RIPK1: variants seen among roughly 807,000 people sequenced by gnomAD.
RIPK1 encodes receptor-interacting serine/threonine-protein kinase 1.
A neutral mutation model predicts 62.4 loss-of-function variants in RIPK1; 27 were observed. The observed-to-expected ratio is 0.43, with a 90% CI of 0.32 to 0.60. RIPK1 has a LOEUF of 0.60. RIPK1 is among the 20% of genes least tolerant of loss of function. The probability of loss-of-function intolerance (pLI) is 0.07; values close to 1 mark genes in which losing one functional copy is unlikely to be tolerated. For missense variants in RIPK1, 735 were observed against 831.0 expected (o/e 0.88, Z 1.42); for synonymous variants, 287 against 303.2 (o/e 0.95, Z 0.55).
intron 8 of RIPK1, among the ~76,000 whole-genome samples, chr6:3,104,775 T>C (rs59804086): frequency 0.15 from 23,078 of 152,094 alleles, 4,604 homozygotes; most frequent in African/African-American, 0.46. Context: ...TAAACTTCAC[T>C]CATCAAATCA....
chr6:3,071,726 C>G (rs910104306), intron 1 of RIPK1, among the ~76,000 whole-genome samples: 8 of 152,178 alleles, frequency 5.3e-5, no homozygotes, highest in Admixed American at 4.6e-4. Context: ...TAGCAAACCG[C>G]AAGACTGTAA....
At chr6:3,069,861 AT>A (rs1359857690) in intron 1 of RIPK1, among the ~76,000 whole-genome samples, 1 of 152,206 alleles carries the variant, frequency 6.6e-6, no homozygotes, top group Admixed American at 6.5e-5. Flanking sequence ...AAATACAAAA[AT>A]TAGCCAGGTG....
At chr6:3,080,140 G>A (rs984944343) in intron 3 of RIPK1, among the ~76,000 whole-genome samples, 19 of 152,186 alleles carry the variant, frequency 1.2e-4, no homozygotes, top group African/African-American at 3.4e-4. Context: ...GCTCTGCTAC[G>A]TTATGTCATA....
At chr6:3,112,446 C>A (rs1166384079) in intron 10 of RIPK1, among the ~76,000 whole-genome samples, 1 of 152,228 alleles carries the variant, frequency 6.6e-6, no homozygotes, top group Non-Finnish European at 1.5e-5. Context: ...GAACACCCAA[C>A]CTCGTAGCCA....
intron 7 of RIPK1, among the ~76,000 whole-genome samples, chr6:3,095,758 C>T (rs1031044482): frequency 3.3e-5 from 5 of 151,602 alleles, no homozygotes; most frequent in South Asian, 2.1e-4. Context: ...AAAATGCTAG[C>T]AAGTCAGAAA....
intron 5 of RIPK1, 111 bp downstream of exon 5, chr6:3,083,424 A>T: frequency 1.2e-6 from 1 of 802,958 alleles, no homozygotes; most frequent in South Asian, 1.7e-5. Context: ...AATCCCATTT[A>T]GGAATCAGTG....
intron 1 of RIPK1, among the ~76,000 whole-genome samples, chr6:3,071,129 T>A (rs1758689057): frequency 6.6e-6 from 1 of 152,242 alleles, no homozygotes; most frequent in Non-Finnish European, 1.5e-5. Context: ...CAGGCTGCTG[T>A]AATCAAGGAA....
chr6:3,076,792 T>A lies in RIPK1; in HGVS notation c.-32T>A. On this transcript the variant is annotated 5_prime_UTR_variant, in exon 2 of 11. Coordinates refer to ENST00000259808, the MANE Select transcript of RIPK1 (RefSeq NM_001354930.2). ...ACAGCTCTGCCGGGGGGGGAAAAAGTGGTACCATTTTGGGCGTTCTTGAGC... is the reference window on the plus strand; with the variant it reads ...ACAGCTCTGCCGGGGGGGGAAAAAGAGGTACCATTTTGGGCGTTCTTGAGC... 1 of 1,606,498 alleles carries A rather than the reference T, an allele frequency of 6.2e-7. No individual in the cohort carries two copies. The highest frequency in any genetic ancestry group is 2.3e-5 in the East Asian group (1 of 44,332).
Position 3,072,302 on chromosome 6 carries a change from AAATC to A in RIPK1, c.-61+3644_-61+3647del, listed in dbSNP as rs1223191439. On this transcript the variant is annotated intron_variant, in intron 1 of 10. Coordinates refer to ENST00000259808, the MANE Select transcript of RIPK1 (RefSeq NM_001354930.2). This position sits in a 1 kb window ranked among gnomAD's most constrained non-coding sequence, Gnocchi z 5.6. Reference sequence around the variant, plus strand: ...AGTAAAAGTGTAAAGAAGAAAGTAAAAATCAACCTATCATCAAGATACAATCCTT... The same window carrying A: ...AGTAAAAGTGTAAAGAAGAAAGTAAAAACCTATCATCAAGATACAATCCTT... Among the ~76,000 whole-genome samples the A allele has an allele frequency of 2.6e-5, 4 of 152,202 alleles. No individual in the cohort carries two copies. The highest frequency in any genetic ancestry group is 4.4e-5 in the Non-Finnish European group (3 of 68,036).
chr6:3,076,905 T>C lies in RIPK1; in HGVS notation c.82T>C (p.Phe28Leu), dbSNP rs146652253. The C allele has an allele frequency of 4.8e-4, 779 of 1,611,834 alleles. 3 individuals carry two copies. Among genetic ancestry groups the C allele is most frequent in the Admixed American group, 6.3e-4 (38 of 59,906 alleles). The change falls in exon 2 of 11, where the codon TTT becomes CTT. Residue 28 changes from phenylalanine (F) to leucine (L), a missense_variant. By Grantham distance (22) the Phe-to-Leu change is conservative. This residue lies in a region of RIPK1 where 671 missense variants were observed against 726.2 expected (regional missense o/e 0.92). Transcript: ENST00000259808. ...LESAELDSGG[F>L]GKVSLCFHRT... is the part of the protein sequence containing the mutation. ...GAGTGCAGAACTGGACAGCGGAGGC[T>C]TTGGGAAGGTGTCTCTGTGTTTCCA...
rs561972571 is a variant in RIPK1, at chr6:3,076,863, T to G, written c.40T>G (p.Ser14Ala). The change falls in exon 2 of 11, where the codon TCC (serine) becomes GCC (alanine). Residue 14 changes from serine to alanine, a missense_variant. Around this residue, in one of 2 missense-constraint regions of RIPK1, gnomAD observed 671 missense variants for 726.2 expected, o/e 0.92. Transcript: ENST00000259808. ...DMSLNVIKMK[S>A]SDFLESAELD... ...GTCCTTGAATGTCATTAAGATGAAA[T>G]CCAGTGACTTCCTGGAGAGTGCAGA... 1.6e-4 allele frequency: 250 copies of G among 1,612,802 alleles called. 2 individuals carry two copies. The South Asian group carries it at 2.6e-3, about 17-fold the overall frequency.
chr6:3,098,590 C>T (rs1042220038), intron 7 of RIPK1, among the ~76,000 whole-genome samples: 1 of 152,214 alleles, frequency 6.6e-6, no homozygotes, highest in African/African-American at 2.4e-5. Context: ...ATTAAAAGCA[C>T]AACCAAATTC....
intron 3 of RIPK1, among the ~76,000 whole-genome samples, chr6:3,078,899 T>A (rs1759234208): frequency 6.6e-6 from 1 of 151,514 alleles, no homozygotes; most frequent in Admixed American, 6.6e-5. Flanking sequence ...AGTGGTATGG[T>A]GTGATGGGGT....
chr6:3,066,155 C>T (rs1758370097), upstream of RIPK1, among the ~76,000 whole-genome samples: 1 of 152,214 alleles, frequency 6.6e-6, no homozygotes, highest in Non-Finnish European at 1.5e-5. Flanking sequence ...TCCTGAGTAG[C>T]TGGGTCTACA....
intron 4 of RIPK1, 72 bp downstream of exon 4, chr6:3,081,188 T>C: frequency 6.5e-7 from 1 of 1,538,030 alleles, no homozygotes; most frequent in Non-Finnish European, 8.9e-7. Flanking sequence ...AAATCCATTC[T>C]CGTACATTGG....
chr6:3,100,755 T>C (rs1760552289), intron 7 of RIPK1, among the ~76,000 whole-genome samples: 1 of 151,826 alleles, frequency 6.6e-6, no homozygotes, highest in South Asian at 2.1e-4. Context: ...CACACCCAGC[T>C]AATTTTTTTG....
intron 1 of RIPK1, among the ~76,000 whole-genome samples, chr6:3,071,065 C>G (rs528576407): frequency 4.6e-5 from 7 of 152,210 alleles, no homozygotes; most frequent in Non-Finnish European, 1.0e-4. Context: ...TTGTCTCTTG[C>G]TGGTCCTTAA....
In RIPK1 at chr6:3,085,296, A is replaced by G. The variant is rs150933841; in HGVS notation, c.726A>G (p.Lys242=). The change falls in exon 6 of 11, where the codon AAA becomes AAG. Residue 242 remains lysine (K), a synonymous_variant. Coordinates refer to ENST00000259808, the MANE Select transcript of RIPK1 (RefSeq NM_001354930.2). ...AGCAGCAGTTGATAATGTGCATAAAATCTGGGAACAGGCCAGATGTGGATG... is the reference window on the plus strand; with the variant it reads ...AGCAGCAGTTGATAATGTGCATAAAGTCTGGGAACAGGCCAGATGTGGATG... ...ICEQQLIMCI[K]SGNRPDVDDI... 2.5e-6 allele frequency: 4 copies of G among 1,614,114 alleles called. No individual in the cohort carries two copies. The highest frequency in any genetic ancestry group is 3.4e-6 in the Non-Finnish European group (4 of 1,180,044).
chr6:3,103,039 C>T (rs1368236809), intron 7 of RIPK1, among the ~76,000 whole-genome samples: 1 of 152,186 alleles, frequency 6.6e-6, no homozygotes, highest in Non-Finnish European at 1.5e-5. Context: ...TATAGTCACT[C>T]TAAGGAGTGT....
Sources: gnomAD v4.1 joint callset for allele counts (sites outside exome capture counted in the v4.1 genomes callset) on GRCh38, gnomAD v4.1.1 for gene constraint, gnomAD v4.1.1 regional missense constraint, Gnocchi (gnomAD v3.1) non-coding constraint, MANE v1.5 for transcripts, NCBI Gene and HGNC (gene_info 2026-07-23, HGNC 2026-07-21) for gene names.